Variants in TTC28 observed in about 807,000 individuals in gnomAD.
TTC28 encodes tetratricopeptide repeat domain 28.
A neutral mutation model predicts 198.0 loss-of-function variants in TTC28; 61 were observed. The ratio of observed to expected loss-of-function variants is 0.31; its 90% CI spans 0.25 to 0.38. TTC28 has a LOEUF of 0.38. TTC28 is among the 10% of genes least tolerant of loss of function. TTC28 has a pLI of 1.00. For missense variants in TTC28, 2,678 were observed against 3,164.0 expected, an observed-to-expected ratio of 0.85 and a Z score of 3.69; for synonymous variants, 1,171 against 1,297.8, an observed-to-expected ratio of 0.90 and a Z score of 2.10.
At chr22:28,433,197 T>A (rs185024333) in intron 2 of TTC28, among the ~76,000 whole-genome samples, 1 of 152,350 alleles carries the variant, frequency 6.6e-6, no homozygotes, top group East Asian at 1.9e-4. Flanking sequence ...AGAAAATGTA[T>A]CTGAAAGCAA....
At chr22:28,292,459 C>CAAGT (rs1204471316) in intron 5 of TTC28, among the ~76,000 whole-genome samples, 3 of 152,058 alleles carry the variant, frequency 2.0e-5, no homozygotes, top group African/African-American at 4.8e-5. Flanking sequence ...CTCCTGGGCT[C>CAAGT]AAGTAATCTG....
intron 2 of TTC28, among the ~76,000 whole-genome samples, chr22:28,373,255 GA>G (rs562007208): frequency 2.5e-3 from 339 of 135,442 alleles, no homozygotes; most frequent in African/African-American, 6.5e-3. Flanking sequence ...TACAAATGTT[GA>G]AAAAAAAAAA....
At chr22:28,412,671 C>T (rs2047099989) in intron 2 of TTC28, among the ~76,000 whole-genome samples, 1 of 152,202 alleles carries the variant, frequency 6.6e-6, no homozygotes, top group South Asian at 2.1e-4. Flanking sequence ...TTAGTGCCAG[C>T]TCTGCTCTCA....
At chr22:28,612,840 G>C (rs981096478) in intron 2 of TTC28, among the ~76,000 whole-genome samples, 2 of 152,154 alleles carry the variant, frequency 1.3e-5, no homozygotes, top group Non-Finnish European at 2.9e-5. Flanking sequence ...GTAGTGTTTA[G>C]AGAGAAATTT....
intron 2 of TTC28, among the ~76,000 whole-genome samples, chr22:28,628,491 T>C (rs1371361444): frequency 6.6e-6 from 1 of 152,198 alleles, no homozygotes; most frequent in African/African-American, 2.4e-5. Flanking sequence ...TTAGCAATTA[T>C]CCCTAATACA....
At chr22:28,158,692 G>A (rs1943814425) in intron 6 of TTC28, among the ~76,000 whole-genome samples, 1 of 152,166 alleles carries the variant, frequency 6.6e-6, no homozygotes, top group Non-Finnish European at 1.5e-5. Flanking sequence ...ATGGTGCTGG[G>A]AAAACTGGAT....
intron 14 of TTC28, 59 bp downstream of exon 14, chr22:28,014,189 T>G: frequency 4.0e-6 from 6 of 1,502,106 alleles, no homozygotes; most frequent in Non-Finnish European, 5.4e-6. Flanking sequence ...ATGTGGGCGC[T>G]GACTGGTAAG....
At chr22:28,383,892 C>A (rs1322019229) in intron 2 of TTC28, among the ~76,000 whole-genome samples, 2 of 152,186 alleles carry the variant, frequency 1.3e-5, no homozygotes, top group Admixed American at 1.3e-4. Flanking sequence ...CCTCTGATGT[C>A]CTCCTATTAG....
chr22:28,249,066 T>A lies in TTC28; in HGVS notation c.933+47132A>T, dbSNP rs566258650. 7.3e-4 allele frequency among the ~76,000 whole-genome samples: 111 copies of A among 152,192 alleles called. 3 individuals are homozygous for A. The South Asian group carries it at 0.023, about 31-fold the overall frequency. Reference sequence around the variant, plus strand: ...AATTCTTTATATACCCTAATAATAATGTATCCCCTGAAGAGAACCACAATA... The same window carrying A: ...AATTCTTTATATACCCTAATAATAAAGTATCCCCTGAAGAGAACCACAATA... On this transcript the variant is annotated intron_variant, in intron 5 of 22. Coordinates refer to ENST00000397906, the MANE Select transcript of TTC28 (RefSeq NM_001145418.2).
intron 2 of TTC28, among the ~76,000 whole-genome samples, chr22:28,348,293 G>A (rs1039847727): frequency 1.3e-5 from 2 of 152,110 alleles, no homozygotes; most frequent in Non-Finnish European, 1.5e-5. Flanking sequence ...CTTTTCATAC[G>A]CCTCTCATCC....
chr22:28,257,207 C>A (rs529608414), intron 5 of TTC28, among the ~76,000 whole-genome samples: 2 of 152,072 alleles, frequency 1.3e-5, no homozygotes, highest in African/African-American at 4.8e-5. Flanking sequence ...CCTCAAAAAA[C>A]CAAAAATAGA....
At chr22:28,281,805 A>C (rs1192507912) in intron 5 of TTC28, among the ~76,000 whole-genome samples, 1 of 152,236 alleles carries the variant, frequency 6.6e-6, no homozygotes, top group Non-Finnish European at 1.5e-5. Flanking sequence ...ATCTCTATTC[A>C]GTTCTTCCAG....
At chr22:28,634,719 G>A (rs2051239196) in intron 1 of TTC28, among the ~76,000 whole-genome samples, 1 of 151,474 alleles carries the variant, frequency 6.6e-6, no homozygotes, top group African/African-American at 2.4e-5. Flanking sequence ...TGAGTAGCTG[G>A]GATTACAGGT....
rs138610593 is a variant in TTC28, at chr22:28,583,984, GTTTT to G, written c.381+45564_381+45567del. On this transcript the variant is annotated intron_variant, in intron 2 of 22. Coordinates refer to ENST00000397906, the MANE Select transcript of TTC28 (RefSeq NM_001145418.2). The stretch of plus-strand genomic sequence containing the variant: ...CATGTATTATTTTCTCTCTTTCTCC[GTTTT>G]TTTTTTGTTTTGTTTTTGTTTTGTT... Among the ~76,000 whole-genome samples, 62 of 131,766 alleles carry G rather than the reference GTTTT, an allele frequency of 4.7e-4. 1 individual carries two copies. In the South Asian group the frequency reaches 0.011, roughly 24 times the overall value. The allele number at this position is 131,766 out of a possible 152,430, so 86.4% of individuals were successfully genotyped here.
intron 3 of TTC28, among the ~76,000 whole-genome samples, chr22:28,298,821 G>A (rs1425897446): frequency 6.6e-6 from 1 of 152,090 alleles, no homozygotes; most frequent in Non-Finnish European, 1.5e-5. Context: ...TGCTATAAAA[G>A]CTCTCCCAAC....
At chr22:28,458,600 G>A (rs993307760) in intron 2 of TTC28, among the ~76,000 whole-genome samples, 3 of 152,030 alleles carry the variant, frequency 2.0e-5, no homozygotes, top group African/African-American at 7.2e-5. Flanking sequence ...TACCAAAATA[G>A]GCTGGGCATG....
chr22:28,022,303 G>C (rs1327866337), intron 13 of TTC28, among the ~76,000 whole-genome samples: 1 of 152,220 alleles, frequency 6.6e-6, no homozygotes, highest in East Asian at 1.9e-4. Flanking sequence ...GTTCTACAGG[G>C]GTCAGGGAGG....
At chr22:28,098,425 T>C (rs572392628) in intron 10 of TTC28, among the ~76,000 whole-genome samples, 2 of 152,272 alleles carry the variant, frequency 1.3e-5, no homozygotes, top group South Asian at 4.1e-4. Context: ...AGAGACTTTG[T>C]TTCAGGCTGG....
At chr22:28,035,497 G>A (rs1182732159) in intron 12 of TTC28, among the ~76,000 whole-genome samples, 2 of 152,198 alleles carry the variant, frequency 1.3e-5, no homozygotes, top group Non-Finnish European at 2.9e-5. Context: ...AGGTCTAACT[G>A]TGCCAGCACC....
Sources: allele counts gnomAD v4.1 joint callset (sites outside exome capture counted in the v4.1 genomes callset), GRCh38; gene constraint gnomAD v4.1.1; transcripts MANE v1.5; gene names NCBI Gene and HGNC (gene_info 2026-07-23, HGNC 2026-07-21).